The following NRXN3 variants were observed in gnomAD, a reference collection of about 807,000 sequenced individuals.
NRXN3 encodes neurexin 3.
Under a neutral mutation model 137.6 loss-of-function variants are expected in NRXN3, and 32 were observed. The observed-to-expected ratio is 0.23, with a 90% CI of 0.18 to 0.31. The LOEUF is 0.31. NRXN3 is among the 10% of genes least tolerant of loss of function. The pLI, the probability that NRXN3 is intolerant of heterozygous loss-of-function variation, is 1.00. For synonymous variants in NRXN3, 798 were observed against 784.5 expected, an observed-to-expected ratio of 1.02 and a Z score of -0.29; for missense variants, 1,574 against 2,062.5, an observed-to-expected ratio of 0.76 and a Z score of 4.59.
chr14:79,742,850 T>C (rs1195997364), intron 19 of NRXN3, among the ~76,000 whole-genome samples: 2 of 152,242 alleles, frequency 1.3e-5, no homozygotes, highest in African/African-American at 4.8e-5. Context: ...GAGAAGGAAG[T>C]ATACTGTAAT....
intron 20 of NRXN3, chr14:79,853,591 G>A (rs2099396410): frequency 7.4e-7 from 1 of 1,351,410 alleles, no homozygotes. Flanking sequence ...CATGGACATG[G>A]CGACTCACTT....
chr14:78,545,278 A>T (rs1214397081), intron 4 of NRXN3, among the ~76,000 whole-genome samples: 1 of 152,198 alleles, frequency 6.6e-6, no homozygotes, highest in Non-Finnish European at 1.5e-5. Context: ...TCCTCTCTCA[A>T]TTCTCTTTTG....
intron 17 of NRXN3, among the ~76,000 whole-genome samples, chr14:79,682,376 A>T (rs1449037674): frequency 6.6e-6 from 1 of 152,192 alleles, no homozygotes; most frequent in Non-Finnish European, 1.5e-5. Flanking sequence ...TTAACGAGGC[A>T]TTGTATGAAT....
chr14:78,611,084 C>T (rs1252968875), intron 4 of NRXN3, among the ~76,000 whole-genome samples: 1 of 152,170 alleles, frequency 6.6e-6, no homozygotes, highest in African/African-American at 2.4e-5. Flanking sequence ...TCCTTGCTTT[C>T]CTGGCAGGTT....
intron 9 of NRXN3, among the ~76,000 whole-genome samples, chr14:78,805,112 A>AGG (rs1253720735): frequency 6.6e-6 from 1 of 151,958 alleles, no homozygotes; most frequent in Non-Finnish European, 1.5e-5. Flanking sequence ...CATAAACCTA[A>AGG]AATCTCTGGG....
At chr14:79,535,891 G>A (rs1038510996) in intron 16 of NRXN3, among the ~76,000 whole-genome samples, 1 of 152,178 alleles carries the variant, frequency 6.6e-6, no homozygotes, top group African/African-American at 2.4e-5. Flanking sequence ...AAAGATATAT[G>A]TGTGTATCCA....
intron 15 of NRXN3, among the ~76,000 whole-genome samples, chr14:79,098,957 A>G (rs374020406): frequency 3.9e-5 from 6 of 152,230 alleles, no homozygotes; most frequent in Admixed American, 3.3e-4. Flanking sequence ...AATTGGATAC[A>G]TAGTCACCCT....
At chr14:79,462,890 G>GTATATGTATATGTACATACACA (rs568540345) in intron 15 of NRXN3, among the ~76,000 whole-genome samples, 276 of 22,758 alleles carry the variant, frequency 0.012, 4 homozygotes, top group African/African-American at 0.041. Context: ...ATACACATAT[G>GTATATGTATATGTACATACACA]TATGTATATG....
At chr14:78,354,429 A>G (rs914957389) in intron 4 of NRXN3, among the ~76,000 whole-genome samples, 1 of 152,184 alleles carries the variant, frequency 6.6e-6, no homozygotes, top group Non-Finnish European at 1.5e-5. Flanking sequence ...AGCCTCTCCC[A>G]TCTAGCCACT....
At chr14:78,849,919 G>A (rs1449946635) in intron 10 of NRXN3, among the ~76,000 whole-genome samples, 2 of 152,118 alleles carry the variant, frequency 1.3e-5, no homozygotes, top group African/African-American at 4.8e-5. Flanking sequence ...AATGTTGACA[G>A]CAAAGATTTC....
chr14:78,440,369 C>T (rs2153695692), intron 4 of NRXN3, among the ~76,000 whole-genome samples: 1 of 151,938 alleles, frequency 6.6e-6, no homozygotes, highest in African/African-American at 2.4e-5. Context: ...GGCCAAGATG[C>T]AGGCATCAGC....
chr14:79,156,212 C>A (rs1309397443), intron 15 of NRXN3, among the ~76,000 whole-genome samples: 1 of 151,800 alleles, frequency 6.6e-6, no homozygotes, highest in Non-Finnish European at 1.5e-5. Context: ...ATTAGAGTAA[C>A]CGTTTTACAG....
intron 15 of NRXN3, among the ~76,000 whole-genome samples, chr14:79,465,362 T>C (rs1340755842): frequency 6.6e-6 from 1 of 152,092 alleles, no homozygotes; most frequent in Non-Finnish European, 1.5e-5. Flanking sequence ...TCCAGATGAG[T>C]GTAGAGGGCT....
intron 4 of NRXN3, among the ~76,000 whole-genome samples, chr14:78,305,814 C>T (rs1346714922): frequency 2.0e-5 from 3 of 152,140 alleles, no homozygotes; most frequent in East Asian, 3.8e-4. Flanking sequence ...ACTGATTTGT[C>T]CTCTTGACAG....
intron 16 of NRXN3, among the ~76,000 whole-genome samples, chr14:79,562,294 C>T (rs76136231): frequency 0.014 from 2,083 of 152,152 alleles, 53 homozygotes; most frequent in African/African-American, 0.048. Flanking sequence ...CCCTATTTTT[C>T]GAGTAGGATG....
At chr14:79,608,013 C>G (rs1485429521) in intron 16 of NRXN3, among the ~76,000 whole-genome samples, 1 of 152,084 alleles carries the variant, frequency 6.6e-6, no homozygotes. Context: ...CTTTATGATC[C>G]CATAAAAATT....
At chr14:78,608,599 T>C (rs1430365836) in intron 4 of NRXN3, among the ~76,000 whole-genome samples, 3 of 152,218 alleles carry the variant, frequency 2.0e-5, no homozygotes, top group Non-Finnish European at 2.9e-5. Flanking sequence ...TGATCCATTA[T>C]ATTTAATGCC....
intron 4 of NRXN3, among the ~76,000 whole-genome samples, chr14:78,484,025 CACAG>C (rs1264593772): frequency 0.025 from 2,782 of 113,342 alleles, 15 homozygotes; most frequent in African/African-American, 0.044. Context: ...CACACACACA[CACAG>C]AGAGAGAGAG....
intron 20 of NRXN3, among the ~76,000 whole-genome samples, chr14:79,808,069 TCTA>T: frequency 6.6e-6 from 1 of 151,802 alleles, no homozygotes. Flanking sequence ...AAACCCCGTC[TCTA>T]CTAATAATAC....
Sources: gnomAD v4.1 joint callset for allele counts (sites outside exome capture counted in the v4.1 genomes callset) on GRCh38, gnomAD v4.1.1 for gene constraint, MANE v1.5 for transcripts, NCBI Gene and HGNC (gene_info 2026-07-23, HGNC 2026-07-21) for gene names.